The following LARGE1 variants were observed in gnomAD, a reference collection of about 807,000 sequenced individuals.
LARGE1 encodes LARGE xylosyl- and glucuronyltransferase 1.
A neutral mutation model predicts 87.6 loss-of-function variants in LARGE1; 43 were observed. The observed-to-expected ratio is 0.49, with a 90% CI of 0.38 to 0.63. The LOEUF (loss-of-function observed/expected upper bound fraction) is 0.63, where lower values mean the gene tolerates loss of function less well. Among genes scored for constraint, LARGE1 ranks in the 30% least tolerant of loss-of-function variants. The probability of loss-of-function intolerance (pLI) is 0.00; values close to 1 mark genes in which losing one functional copy is unlikely to be tolerated. For synonymous variants in LARGE1, 434 were observed against 394.6 expected (o/e 1.10, Z -1.18); for missense variants, 802 against 1,000.2 (o/e 0.80, Z 2.67).
At chr22:33,163,187 C>T (rs1922094636) in exon 12 of LARGE1, 1 of 152,148 alleles carries the variant, frequency 6.6e-6, no homozygotes, top group South Asian at 2.1e-4. Flanking sequence ...CTTGGGCAGC[C>T]CTCATTGTCC....
chr22:33,558,358 A>G (rs2077756255), intron 6 of LARGE1, among the ~76,000 whole-genome samples: 1 of 152,192 alleles, frequency 6.6e-6, no homozygotes, highest in African/African-American at 2.4e-5. Context: ...TCAAATAAAA[A>G]GGGGCCAATG....
intron 1 of LARGE1, among the ~76,000 whole-genome samples, chr22:33,805,472 G>A (rs771929399): frequency 2.2e-4 from 34 of 152,182 alleles, no homozygotes; most frequent in Non-Finnish European, 4.3e-4. Flanking sequence ...GGTGGCTCAC[G>A]CCTGTAATCC....
At chr22:33,071,444 C>T in the LARGE1 span, among the ~76,000 whole-genome samples, 1 of 152,202 alleles carries the variant, frequency 6.6e-6, no homozygotes, top group Non-Finnish European at 1.5e-5. Flanking sequence ...GCTGTCTCCT[C>T]CACTAGACTC....
At chr22:33,544,877 C>T (rs2077311715) in intron 6 of LARGE1, among the ~76,000 whole-genome samples, 1 of 152,102 alleles carries the variant, frequency 6.6e-6, no homozygotes, top group Admixed American at 6.6e-5. Flanking sequence ...CTTATCCCTT[C>T]AGCCAGGGAT....
intron 4 of LARGE1, among the ~76,000 whole-genome samples, chr22:33,620,229 C>T (rs995903704): frequency 1.5e-4 from 23 of 152,368 alleles, no homozygotes; most frequent in African/African-American, 5.5e-4. Context: ...AACCCAGCTT[C>T]ATCCTGCCAA....
intron 1 of LARGE1, among the ~76,000 whole-genome samples, chr22:33,915,397 A>G (rs2065756793): frequency 6.6e-6 from 1 of 152,228 alleles, no homozygotes; most frequent in South Asian, 2.1e-4. Flanking sequence ...CCCAGAGCAT[A>G]TCTGATAAAA....
intron 7 of LARGE1, among the ~76,000 whole-genome samples, chr22:33,405,853 T>C (rs192133010): frequency 4.4e-4 from 67 of 152,280 alleles, no homozygotes; most frequent in African/African-American, 1.6e-3. Flanking sequence ...TTCCTTACGC[T>C]CTGTGAAGAT....
intron 1 of LARGE1, among the ~76,000 whole-genome samples, chr22:33,818,215 C>T (rs2086714515): frequency 6.6e-6 from 1 of 152,188 alleles, no homozygotes; most frequent in African/African-American, 2.4e-5. Flanking sequence ...CCTCAAGTCA[C>T]TTACCAAACC....
chr22:33,245,393 A>C lies in LARGE1; in HGVS notation c.1730+58836T>G, dbSNP rs371244113. 3.9e-5 allele frequency among the ~76,000 whole-genome samples: 6 copies of C among 152,186 alleles called. No individual in the cohort carries two copies. In the South Asian group the frequency reaches 1.2e-3, roughly 31 times the overall value. ...ATATGATCACACTGTCGTCCTCCAA[A>C]ATTCAACAAGCAAAGTGCCTTGAGC... On this transcript the variant is annotated intron_variant, in intron 11 of 11. Coordinates refer to the LARGE1 transcript ENST00000608642.
chr22:33,138,696 G>A, the LARGE1 span, among the ~76,000 whole-genome samples: 3 of 151,992 alleles, frequency 2.0e-5, no homozygotes, highest in East Asian at 1.9e-4. Context: ...TGCCCACCTC[G>A]GCCTCCGAAA....
chr22:33,525,545 G>C (rs2071845484), intron 6 of LARGE1, among the ~76,000 whole-genome samples: 2 of 152,166 alleles, frequency 1.3e-5, no homozygotes, highest in Admixed American at 1.3e-4. Flanking sequence ...GCAGGTCCCA[G>C]ATATGAAAAT....
chr22:33,371,873 A>G (rs900364357), intron 9 of LARGE1, among the ~76,000 whole-genome samples: 1 of 151,760 alleles, frequency 6.6e-6, no homozygotes, highest in Non-Finnish European at 1.5e-5. Context: ...AGTCCCAGCT[A>G]CTCGGGAGGC....
At chr22:33,696,510 G>A (rs1019421202) in intron 2 of LARGE1, among the ~76,000 whole-genome samples, 6 of 151,872 alleles carry the variant, frequency 4.0e-5, no homozygotes, top group South Asian at 2.1e-4. Flanking sequence ...CAATCCGCCC[G>A]CCTTGGCCTC....
chr22:33,281,274 AT>A (rs1930389749), intron 13 of LARGE1, among the ~76,000 whole-genome samples: 1 of 152,138 alleles, frequency 6.6e-6, no homozygotes, highest in Non-Finnish European at 1.5e-5. Context: ...TGCCTTGGAA[AT>A]GTGTCAGGTG....
At chr22:33,422,249 A>C (rs373857186) in intron 7 of LARGE1, among the ~76,000 whole-genome samples, 1 of 152,310 alleles carries the variant, frequency 6.6e-6, no homozygotes, top group East Asian at 1.9e-4. Context: ...TTATAATTAC[A>C]CATAATTGTT....
intron 6 of LARGE1, among the ~76,000 whole-genome samples, chr22:33,548,239 C>G (rs538096362): frequency 2.3e-4 from 35 of 152,218 alleles, no homozygotes; most frequent in African/African-American, 7.2e-4. Context: ...CCTTCCCCTA[C>G]GCTCTTTTGC....
chr22:33,796,553 A>C (rs1485274975), intron 1 of LARGE1, among the ~76,000 whole-genome samples: 1 of 151,546 alleles, frequency 6.6e-6, no homozygotes, highest in Non-Finnish European at 1.5e-5. Context: ...ATAAATCTTT[A>C]AAAAATCAAT....
intron 5 of LARGE1, among the ~76,000 whole-genome samples, 191 bp downstream of exon 5, chr22:33,604,244 T>A (rs695504): frequency 6.6e-6 from 1 of 152,060 alleles, no homozygotes; most frequent in Non-Finnish European, 1.5e-5. Context: ...AAAGTGGATT[T>A]TGTGCACTCA....
At chr22:33,516,492 C>A (rs959481295) in intron 6 of LARGE1, among the ~76,000 whole-genome samples, 1 of 152,100 alleles carries the variant, frequency 6.6e-6, no homozygotes, top group African/African-American at 2.4e-5. Context: ...CATTTTGCAC[C>A]AGGCCTCACA....
Sources: gnomAD v4.1 joint callset for allele counts (sites outside exome capture counted in the v4.1 genomes callset) on GRCh38, gnomAD v4.1.1 for gene constraint, MANE v1.5 for transcripts, NCBI Gene and HGNC (gene_info 2026-07-23, HGNC 2026-07-21) for gene names.